Variants in THADA observed in about 807,000 individuals in gnomAD.
THADA encodes THADA armadillo repeat containing, also known as tRNA (32-2'-O)-methyltransferase regulator THADA.
In THADA, 213 loss-of-function variants were observed where a neutral mutation model predicts 219.8. The ratio of observed to expected loss-of-function variants is 0.97; its 90% confidence interval spans 0.87 to 1.09. The LOEUF is 1.09. Ranked by LOEUF, THADA falls within the 50% of genes least tolerant of loss-of-function variation. THADA has a pLI of 0.00. For missense variants in THADA, 2,956 were observed against 2,311.3 expected (o/e 1.28, Z -5.72); for synonymous variants, 1,018 against 828.9 (o/e 1.23, Z -3.92).
intron 24 of THADA, among the ~76,000 whole-genome samples, chr2:43,500,285 G>A (rs534410122): frequency 6.6e-6 from 1 of 152,320 alleles, no homozygotes; most frequent in South Asian, 2.1e-4. Flanking sequence ...AAGAGAGCAA[G>A]AGGGGGCTTT....
intron 29 of THADA, among the ~76,000 whole-genome samples, chr2:43,394,917 C>A (rs1297626845): frequency 6.6e-6 from 1 of 152,204 alleles, no homozygotes; most frequent in Non-Finnish European, 1.5e-5. Flanking sequence ...AGAGCAACAG[C>A]CACAACAACC....
At chr2:43,432,464 T>C (rs1249990502) in intron 26 of THADA, among the ~76,000 whole-genome samples, 1 of 151,956 alleles carries the variant, frequency 6.6e-6, no homozygotes, top group East Asian at 1.9e-4. Context: ...CTTTACCTTT[T>C]TTTTTTTTTT....
At chr2:43,391,449 A>G (rs574137740) in intron 29 of THADA, among the ~76,000 whole-genome samples, 3 of 152,240 alleles carry the variant, frequency 2.0e-5, no homozygotes, top group East Asian at 3.8e-4. Flanking sequence ...CCTAAGTAAC[A>G]GACACCAAAT....
chr2:43,568,812 TG>T (rs767583043), intron 14 of THADA, among the ~76,000 whole-genome samples: 10 of 151,416 alleles, frequency 6.6e-5, no homozygotes, highest in Non-Finnish European at 1.0e-4. Context: ...GGAGGTGGAG[TG>T]GGGGGAATCA....
intron 28 of THADA, among the ~76,000 whole-genome samples, chr2:43,421,247 G>C (rs1376049248): frequency 6.6e-6 from 1 of 152,106 alleles, no homozygotes; most frequent in Non-Finnish European, 1.5e-5. Flanking sequence ...GAAACCAAGG[G>C]GCCAGGGTTT....
intron 31 of THADA, among the ~76,000 whole-genome samples, chr2:43,307,028 G>A (rs1390815911): frequency 1.3e-5 from 2 of 152,206 alleles, no homozygotes; most frequent in Admixed American, 1.3e-4. Flanking sequence ...TGATGGAAGT[G>A]ATTTTTGCTT....
intron 24 of THADA, among the ~76,000 whole-genome samples, chr2:43,504,522 A>G (rs1689409976): frequency 6.6e-6 from 1 of 152,184 alleles, no homozygotes; most frequent in Admixed American, 6.5e-5. Flanking sequence ...ATCGTACTTG[A>G]TTGTAAACTT....
intron 8 of THADA, among the ~76,000 whole-genome samples, chr2:43,579,861 T>C (rs1003371561): frequency 1.3e-5 from 2 of 152,182 alleles, no homozygotes; most frequent in Non-Finnish European, 2.9e-5. Flanking sequence ...GTACACTGCC[T>C]ATACCAGTTC....
intron 20 of THADA, among the ~76,000 whole-genome samples, chr2:43,546,085 G>C (rs1385892673): frequency 6.7e-6 from 1 of 149,718 alleles, no homozygotes; most frequent in Non-Finnish European, 1.5e-5. Context: ...CTTTGTTCTC[G>C]TTGGTTTCAA....
At chr2:43,584,879 G>T (rs1020144733) in intron 7 of THADA, among the ~76,000 whole-genome samples, 1 of 152,188 alleles carries the variant, frequency 6.6e-6, no homozygotes, top group Non-Finnish European at 1.5e-5. Flanking sequence ...GGTAAAACAG[G>T]TGTTTGGAAA....
chr2:43,513,066 T>C (rs1690698380), intron 22 of THADA, among the ~76,000 whole-genome samples: 1 of 152,214 alleles, frequency 6.6e-6, no homozygotes, highest in Non-Finnish European at 1.5e-5. Context: ...CTAGTAGCTG[T>C]ACAATCCAAG....
At chr2:43,582,820 C>T (rs1195323663) in intron 7 of THADA, among the ~76,000 whole-genome samples, 2 of 152,000 alleles carry the variant, frequency 1.3e-5, no homozygotes, top group Non-Finnish European at 2.9e-5. Flanking sequence ...CCACCTGCCT[C>T]GCCCTCCCAA....
intron 35 of THADA, among the ~76,000 whole-genome samples, chr2:43,282,903 C>G (rs1486362783): frequency 6.6e-6 from 1 of 152,148 alleles, no homozygotes; most frequent in Non-Finnish European, 1.5e-5. Context: ...CAGATAAGAT[C>G]TGTACATCCA....
At position 43,560,398 on chromosome 2, in the gene THADA, T is replaced by A. The variant is rs1553490977; in HGVS notation, c.2312-13A>T. ...GTATAAATTCTGCCTAAAAATATTT[T>A]AAAAACAAAAAGATTTAAAAGTGAA... On this transcript the variant is annotated splice_polypyrimidine_tract_variant and intron_variant, in intron 15 of 37. Transcript: ENST00000405975. The A allele has an allele frequency of 1.3e-6, 2 of 1,499,372 alleles. No homozygotes were observed. The highest frequency in any genetic ancestry group is 1.8e-6 in the Non-Finnish European group (2 of 1,121,576). The allele number at this position is 1,499,372 out of a possible 1,614,324, so 92.9% of individuals were successfully genotyped here. A position where few individuals can be genotyped will look rare whatever the true frequency, so the allele number is the denominator to read the frequency against.
At chr2:43,580,883 C>CAA (rs545978795) in intron 8 of THADA, among the ~76,000 whole-genome samples, 2 of 136,872 alleles carry the variant, frequency 1.5e-5, no homozygotes, top group African/African-American at 5.4e-5. Flanking sequence ...CCATCTCAGA[C>CAA]AAAAAAAAAA....
At chr2:43,396,526 C>T (rs1674059275) in intron 29 of THADA, among the ~76,000 whole-genome samples, 1 of 152,142 alleles carries the variant, frequency 6.6e-6, no homozygotes, top group Admixed American at 6.5e-5. Context: ...AACGGCCAGG[C>T]ACAGTGACTC....
At chr2:43,561,251 A>G (rs907706917) in intron 15 of THADA, among the ~76,000 whole-genome samples, 1 of 152,238 alleles carries the variant, frequency 6.6e-6, no homozygotes, top group Non-Finnish European at 1.5e-5. Flanking sequence ...CAATGCTTAC[A>G]AAATCCTCAG....
chr2:43,428,797 G>A (rs376297167), intron 27 of THADA, among the ~76,000 whole-genome samples: 6 of 151,934 alleles, frequency 3.9e-5, no homozygotes, highest in African/African-American at 1.5e-4. Flanking sequence ...ATTAGAGTAC[G>A]CTATTTTGAT....
intron 28 of THADA, among the ~76,000 whole-genome samples, chr2:43,420,475 T>C (rs984641602): frequency 5.2e-4 from 79 of 152,350 alleles, no homozygotes; most frequent in Admixed American, 1.8e-3. Flanking sequence ...CAATAGGCCA[T>C]AGATTATCAT....
Sources: gnomAD v4.1 joint callset for allele counts (sites outside exome capture counted in the v4.1 genomes callset) on GRCh38, gnomAD v4.1.1 for gene constraint, MANE v1.5 for transcripts, NCBI Gene and HGNC (gene_info 2026-07-23, HGNC 2026-07-21) for gene names.